The following KCNN2 variants were observed in gnomAD, a reference collection of about 807,000 sequenced individuals.
The protein encoded by KCNN2 is potassium calcium-activated channel subfamily N member 2.
In KCNN2, 24 loss-of-function variants were observed where a neutral mutation model predicts 55.5. The observed-to-expected ratio is 0.43, with a 90% confidence interval of 0.31 to 0.61. The LOEUF (loss-of-function observed/expected upper bound fraction) is 0.61. KCNN2 is among the 20% of genes least tolerant of loss of function. KCNN2 has a pLI of 0.08. For missense variants in KCNN2, 754 were observed against 853.6 expected (o/e 0.88, Z 1.45); for synonymous variants, 431 against 336.1 (o/e 1.28, Z -3.09).
chr5:114,398,489 T>TA lies in KCNN2; in HGVS notation c.1219-5949_1219-5948insA, dbSNP rs562581980. Among the ~76,000 whole-genome samples the TA allele has an allele frequency of 1.9e-3, 282 of 152,052 alleles. 4 individuals carry two copies. Among genetic ancestry groups the TA allele is most frequent in the Middle Eastern group, 3.4e-3 (1 of 294 alleles). On this transcript the variant is annotated intron_variant, in intron 2 of 7. Transcript: ENST00000673685. ...GTGATGCTTCCAGTATTGTTGTTTT[T>TA]TTTTTTTTGTAGTTGTTGTTTAGGA...
At chr5:114,376,996 G>A (rs1486855229) in intron 2 of KCNN2, among the ~76,000 whole-genome samples, 2 of 152,172 alleles carry the variant, frequency 1.3e-5, no homozygotes, top group Non-Finnish European at 2.9e-5. Flanking sequence ...TGGGAAGATG[G>A]CTTGAGCCCA....
intron 1 of KCNN2, among the ~76,000 whole-genome samples, chr5:114,128,980 CAGAT>C (rs1751995356): frequency 6.6e-6 from 1 of 152,098 alleles, no homozygotes; most frequent in Non-Finnish European, 1.5e-5. Flanking sequence ...TCCTTGAAAA[CAGAT>C]AGTACATTCA....
At chr5:114,385,449 ATGTTCTT>A (rs1758247671) in intron 2 of KCNN2, among the ~76,000 whole-genome samples, 1 of 151,154 alleles carries the variant, frequency 6.6e-6, no homozygotes, top group Non-Finnish European at 1.5e-5. Flanking sequence ...GTGGCGTATA[ATGTTCTT>A]TGTGATCTTA....
chr5:114,094,680 G>A (rs768108514), intron 1 of KCNN2, among the ~76,000 whole-genome samples: 32 of 152,122 alleles, frequency 2.1e-4, no homozygotes, highest in Non-Finnish European at 4.1e-4. Flanking sequence ...AGTGAATTCC[G>A]AAGAAACACT....
In KCNN2 at chr5:114,363,986, C is replaced by G; in HGVS notation, c.1203C>G (p.His401Gln). ...TGCTCGGTCTGATCATCGTGTACCA[C>G]GCCAGGGAAATACAGGTAACTTAGG... ...IILLGLIIVY[H>Q]AREIQLFMVD... The change falls in exon 2 of 8, where the codon CAC becomes CAG. Residue 401 changes from histidine (H) to glutamine (Q), a missense_variant. His to Gln is a conservative substitution (Grantham distance 24). Around this residue, in one of 4 missense-constraint regions of KCNN2, gnomAD observed 123 missense variants for 204.9 expected, o/e 0.60. Transcript: ENST00000673685. 5.6e-6 allele frequency: 9 copies of G among 1,613,504 alleles called. No individual in the cohort carries two copies. In the Middle Eastern group the frequency reaches 1.5e-3, roughly 266 times the overall value.
chr5:114,099,276 A>G (rs1432505854), intron 1 of KCNN2, among the ~76,000 whole-genome samples: 2 of 152,258 alleles, frequency 1.3e-5, no homozygotes, highest in East Asian at 3.9e-4. Context: ...TATATATAAT[A>G]CAGATTATAG....
chr5:114,267,873 C>T (rs113898198), intron 2 of KCNN2, among the ~76,000 whole-genome samples: 1,940 of 152,246 alleles, frequency 0.013, 23 homozygotes, highest in Middle Eastern at 0.024. Context: ...AGTCAGACTA[C>T]TAGTTAAATT....
At chr5:114,206,331 C>T (rs1753766894) in intron 1 of KCNN2, among the ~76,000 whole-genome samples, 1 of 152,086 alleles carries the variant, frequency 6.6e-6, no homozygotes, top group African/African-American at 2.4e-5. Flanking sequence ...CTCCTAATCT[C>T]CAGCCCCATC....
At chr5:114,360,329 G>T (rs1410450634), upstream of KCNN2, among the ~76,000 whole-genome samples, 1 of 152,104 alleles carries the variant, frequency 6.6e-6, no homozygotes, top group Non-Finnish European at 1.5e-5. Flanking sequence ...CAGATACCAG[G>T]TAAGCAACTT....
At chr5:114,145,383 C>T (rs1241053722) in intron 1 of KCNN2, among the ~76,000 whole-genome samples, 8 of 152,136 alleles carry the variant, frequency 5.3e-5, no homozygotes, top group Admixed American at 4.6e-4. Context: ...GTTGAGAGGA[C>T]ACACAGGTCC....
chr5:114,139,615 A>G (rs1397473426), intron 1 of KCNN2, among the ~76,000 whole-genome samples: 2 of 150,280 alleles, frequency 1.3e-5, no homozygotes, highest in African/African-American at 4.9e-5. Flanking sequence ...ATATATAAAA[A>G]TATAGTTTTA....
At chr5:114,282,680 G>A (rs1373522617) in intron 2 of KCNN2, among the ~76,000 whole-genome samples, 1 of 152,054 alleles carries the variant, frequency 6.6e-6, no homozygotes, top group South Asian at 2.1e-4. Context: ...GGTTATGTTG[G>A]TATCATAAAA....
At chr5:114,194,886 ATTTTT>A (rs61169195) in intron 1 of KCNN2, among the ~76,000 whole-genome samples, 1 of 143,754 alleles carries the variant, frequency 7.0e-6, no homozygotes, top group Non-Finnish European at 1.5e-5. Context: ...CCTTGATTTA[ATTTTT>A]TTTTTTTTTT....
chr5:114,361,494 T>C (rs1757420437), upstream of KCNN2, among the ~76,000 whole-genome samples: 1 of 152,080 alleles, frequency 6.6e-6, no homozygotes, highest in Non-Finnish European at 1.5e-5. Context: ...CCAAAGCCAG[T>C]GCCCCCGCAG....
At chr5:114,409,633 AC>A (rs1759062399) in intron 3 of KCNN2, among the ~76,000 whole-genome samples, 1 of 152,114 alleles carries the variant, frequency 6.6e-6, no homozygotes. Context: ...AGATTTTTGG[AC>A]TTTTTTAAAA....
intron 2 of KCNN2, among the ~76,000 whole-genome samples, chr5:114,278,185 C>T (rs184455970): frequency 3.6e-4 from 55 of 152,284 alleles, no homozygotes; most frequent in African/African-American, 1.2e-3. Flanking sequence ...GGCTGCAGAA[C>T]AGCAAATATT....
intron 3 of KCNN2, among the ~76,000 whole-genome samples, chr5:114,405,350 G>T (rs1305473225): frequency 1.3e-5 from 2 of 152,128 alleles, no homozygotes; most frequent in East Asian, 3.9e-4. Context: ...GAGGTTATGG[G>T]TATGCGTATT....
rs370406139 is a variant in KCNN2, at chr5:114,395,130, A to G, written c.1219-9308A>G. On this transcript the variant is annotated intron_variant, in intron 2 of 7. Coordinates refer to ENST00000673685, the MANE Select transcript of KCNN2 (RefSeq NM_021614.4). ...TACCTTGCAGAGGAAAAGCACATGCAGAAGGTAGATAGGAGAAGGGTTCTG... is the reference window on the plus strand; with the variant it reads ...TACCTTGCAGAGGAAAAGCACATGCGGAAGGTAGATAGGAGAAGGGTTCTG... Among the ~76,000 whole-genome samples the G allele has an allele frequency of 2.6e-4, 39 of 152,332 alleles. No homozygotes were observed. In the South Asian group the frequency reaches 2.7e-3, roughly 11 times the overall value.
At chr5:114,424,796 A>C (rs570942199) in intron 3 of KCNN2, among the ~76,000 whole-genome samples, 1 of 152,338 alleles carries the variant, frequency 6.6e-6, no homozygotes, top group East Asian at 1.9e-4. Context: ...TAAGGTTTCT[A>C]ACATATGTGA....
Sources: gnomAD v4.1 joint callset for allele counts (sites outside exome capture counted in the v4.1 genomes callset) on GRCh38, gnomAD v4.1.1 for gene constraint, gnomAD v4.1.1 regional missense constraint, MANE v1.5 for transcripts, NCBI Gene and HGNC (gene_info 2026-07-23, HGNC 2026-07-21) for gene names.